The following INTS13 variants were observed in gnomAD, a reference collection of about 807,000 sequenced individuals.
INTS13 encodes the protein integrator complex subunit 13, also known as asunder, spermatogenesis regulator homolog (Drosphila).
Under a neutral mutation model 90.2 loss-of-function variants are expected in INTS13, and 35 were observed. The ratio of observed to expected loss-of-function variants is 0.39; its 90% CI spans 0.30 to 0.51. INTS13 has a LOEUF of 0.51. Ranked by LOEUF, INTS13 falls within the 20% of genes least tolerant of loss-of-function variation. The pLI is 0.80. For synonymous variants in INTS13, 309 were observed against 277.1 expected (o/e 1.11, Z -1.14); for missense variants, 601 against 851.2 (o/e 0.71, Z 3.66).
At chr12:26,916,362 C>G (rs1347018225) in intron 10 of INTS13, among the ~76,000 whole-genome samples, 182 bp from the exon 11 acceptor site, 1 of 152,168 alleles carries the variant, frequency 6.6e-6, no homozygotes, top group Non-Finnish European at 1.5e-5. Flanking sequence ...TTAACTTTAT[C>G]TCAGTTACTC....
intron 15 of INTS13, among the ~76,000 whole-genome samples, chr12:26,909,755 C>T (rs182330868): frequency 3.5e-4 from 54 of 152,320 alleles, no homozygotes; most frequent in African/African-American, 1.3e-3. Context: ...ATAATAAGAT[C>T]ACCTCAAGGG....
intron 12 of INTS13, 42 bp from the exon 13 acceptor site, chr12:26,914,170 A>AAAAT: frequency 6.7e-7 from 1 of 1,502,632 alleles, no homozygotes; most frequent in Non-Finnish European, 8.9e-7. Context: ...TCTGTCTTGA[A>AAAAT]AAATAAATAT....
At chr12:26,919,541 G>T (rs776503683) in intron 8 of INTS13, among the ~76,000 whole-genome samples, 1 of 152,174 alleles carries the variant, frequency 6.6e-6, no homozygotes, top group African/African-American at 2.4e-5. Flanking sequence ...GAGATACTAG[G>T]TAAGGAAATA....
intron 3 of INTS13, among the ~76,000 whole-genome samples, chr12:26,932,766 TAGA>T (rs142927363): frequency 0.1 from 15,458 of 152,038 alleles, 1,045 homozygotes; most frequent in East Asian, 0.16. Context: ...GATAAAAGAG[TAGA>T]AGAACAGTCC....
At chr12:26,922,520 G>A in intron 8 of INTS13, 96 bp downstream of exon 8, 4 of 828,438 alleles carry the variant, frequency 4.8e-6, no homozygotes, top group Non-Finnish European at 5.5e-6. Flanking sequence ...GCATCCACTG[G>A]GGGTCTTGGA....
At chr12:26,933,853 T>A (rs1938322092) in intron 3 of INTS13, among the ~76,000 whole-genome samples, 2 of 151,136 alleles carry the variant, frequency 1.3e-5, no homozygotes, top group Non-Finnish European at 1.5e-5. Context: ...ACAAAACACA[T>A]GAAGGGGAGA....
intron 6 of INTS13, 152 bp from the exon 7 acceptor site, chr12:26,924,635 T>C (rs539329340): frequency 1.2e-6 from 1 of 856,096 alleles, no homozygotes; most frequent in Non-Finnish European, 1.7e-6. Flanking sequence ...ATGACAATTA[T>C]TTTAGCAATA....
intron 8 of INTS13, among the ~76,000 whole-genome samples, chr12:26,918,350 A>C (rs1352115227): frequency 6.6e-6 from 1 of 152,214 alleles, no homozygotes; most frequent in Non-Finnish European, 1.5e-5. Context: ...TTTCCAAATG[A>C]GTTTAAACTC....
intron 8 of INTS13, among the ~76,000 whole-genome samples, chr12:26,919,731 C>CA (rs1375722776): frequency 6.6e-6 from 1 of 151,852 alleles, no homozygotes; most frequent in Non-Finnish European, 1.5e-5. Flanking sequence ...AAAAAGGAAA[C>CA]AGACTAGTTC....
intron 12 of INTS13, 117 bp from the exon 13 acceptor site, chr12:26,914,245 ATAAC>A: frequency 8.5e-7 from 1 of 1,176,896 alleles, no homozygotes; most frequent in South Asian, 1.7e-5. Context: ...GAAGGAATCT[ATAAC>A]TATCACTTCA....
Position 26,905,233 on chromosome 12 carries a change from A to T in INTS13, c.*264T>A. 1 of 329,866 alleles carries T rather than the reference A, an allele frequency of 3.0e-6. No individual in the cohort carries two copies. The highest frequency in any genetic ancestry group is 5.4e-6 in the Non-Finnish European group (1 of 184,364). The allele number at this position is 329,866 out of a possible 1,614,324, so 20.4% of individuals were successfully genotyped here. A position where few individuals can be genotyped will look rare whatever the true frequency, so the allele number is the denominator to read the frequency against. On this transcript the variant is annotated 3_prime_UTR_variant, in exon 17 of 17. Transcript: ENST00000261191. ...TTATTTCGCAAAGAGAAGCCTAAGAATTTTTTTAAAAACATTTCCAGAGAG... is the reference window on the plus strand; with the variant it reads ...TTATTTCGCAAAGAGAAGCCTAAGATTTTTTTTAAAAACATTTCCAGAGAG...
In INTS13 at chr12:26,911,269, C is replaced by T. The variant is rs1188486471; in HGVS notation, c.1854G>A (p.Glu618=). The T allele has an allele frequency of 2.5e-6, 4 of 1,613,628 alleles. No homozygotes were observed. The African/African-American group carries it at 4.0e-5, about 16-fold the overall frequency. ...GGGAATCAGGCGAATCTTTTATAAT[C>T]TCAGCTTCAGCCAATTCTTCTTTTC... The part of the protein sequence containing the change: ...ERGKEELAEA[E]IIKDSPDSPE... The change falls in exon 15 of 17, where the codon GAG becomes GAA. Residue 618 remains glutamate (E), a synonymous_variant. Coordinates refer to ENST00000261191, the MANE Select transcript of INTS13 (RefSeq NM_018164.3).
chr12:26,917,928 C>A (rs1212173160), intron 8 of INTS13, among the ~76,000 whole-genome samples, 195 bp from the exon 9 acceptor site: 1 of 152,000 alleles, frequency 6.6e-6, no homozygotes, highest in Non-Finnish European at 1.5e-5. Flanking sequence ...TCAAGACCAG[C>A]CTGACCAAGA....
At chr12:26,906,557 A>C in intron 15 of INTS13, 120 bp from the exon 16 acceptor site, 2 of 1,028,038 alleles carry the variant, frequency 1.9e-6, no homozygotes. Flanking sequence ...TAAGGCAGTT[A>C]ATTCTGTAGT....
At chr12:26,914,206 T>A in intron 12 of INTS13, 78 bp from the exon 13 acceptor site, 3 of 1,341,028 alleles carry the variant, frequency 2.2e-6, no homozygotes, top group Non-Finnish European at 2.0e-6. Flanking sequence ...GAACTTGATT[T>A]TCGAAAGGAT....
intron 8 of INTS13, among the ~76,000 whole-genome samples, chr12:26,920,762 T>C (rs1437862230): frequency 1.3e-5 from 2 of 152,202 alleles, no homozygotes; most frequent in East Asian, 3.9e-4. Context: ...GCAATTTCCA[T>C]GTAATATATT....
intron 8 of INTS13, among the ~76,000 whole-genome samples, chr12:26,918,133 T>C (rs1378931798): frequency 6.6e-6 from 1 of 150,682 alleles, no homozygotes; most frequent in Admixed American, 6.6e-5. Flanking sequence ...AAAAAATAAA[T>C]AAAATAATAA....
At chr12:26,929,091 T>C (rs1413425052) in intron 3 of INTS13, 186 bp from the exon 4 acceptor site, 2 of 559,578 alleles carry the variant, frequency 3.6e-6, no homozygotes, top group African/African-American at 3.8e-5. Context: ...TGGGATTTAT[T>C]CTAGGAATGC....
chr12:26,916,167 T>C lies in INTS13; in HGVS notation c.1083A>G (p.Leu361=). 6.2e-7 allele frequency: 1 copy of C among 1,609,810 alleles called. No homozygotes were observed. The highest frequency in any genetic ancestry group is 8.5e-7 in the Non-Finnish European group (1 of 1,178,508). The part of the protein sequence containing the change: ...TNFLLNGRSV[L]LEQPRKSGSK... ...AACCTGACTTTCGTGGTTGTTCCAA[T>C]AAAACAGAACGACCTGTCAAAAACA... The change falls in exon 11 of 17, where the codon TTA becomes TTG. Residue 361 remains leucine (L), a synonymous_variant. Coordinates refer to ENST00000261191, the MANE Select transcript of INTS13 (RefSeq NM_018164.3).
Sources: gnomAD v4.1 joint callset for allele counts (sites outside exome capture counted in the v4.1 genomes callset) on GRCh38, gnomAD v4.1.1 for gene constraint, MANE v1.5 for transcripts, NCBI Gene and HGNC (gene_info 2026-07-23, HGNC 2026-07-21) for gene names.